OTUD7A: variants seen among roughly 807,000 people sequenced by gnomAD.
The protein encoded by OTUD7A is OTU domain-containing protein 7A.
Under a neutral mutation model 65.7 loss-of-function variants are expected in OTUD7A, and 12 were observed. That is an observed-to-expected ratio of 0.18 (90% CI 0.12 to 0.30). OTUD7A has a LOEUF of 0.30. Among genes scored for constraint, OTUD7A ranks in the 10% least tolerant of loss-of-function variants. The probability of loss-of-function intolerance (pLI) is 1.00; values close to 1 mark genes in which losing one functional copy is unlikely to be tolerated. For synonymous variants in OTUD7A, 641 were observed against 586.3 expected (o/e 1.09, Z -1.35); for missense variants, 1,148 against 1,304.8 (o/e 0.88, Z 1.85).
intron 1 of OTUD7A, among the ~76,000 whole-genome samples, chr15:31,864,937 C>G (rs962471743): frequency 6.6e-6 from 1 of 152,290 alleles, no homozygotes; most frequent in Admixed American, 6.5e-5. Flanking sequence ...ACTTATCAAT[C>G]TAGAACTTAA....
intron 3 of OTUD7A, among the ~76,000 whole-genome samples, chr15:31,585,378 G>C (rs1469592729): frequency 6.6e-6 from 1 of 152,214 alleles, no homozygotes; most frequent in Admixed American, 6.5e-5. Flanking sequence ...GGTTAGCTGC[G>C]AGCAGAAACA....
chr15:31,830,249 C>T (rs1193038860), intron 1 of OTUD7A, among the ~76,000 whole-genome samples: 1 of 152,150 alleles, frequency 6.6e-6, no homozygotes, highest in African/African-American at 2.4e-5. Flanking sequence ...TTCATCAATG[C>T]CAAATCAATA....
intron 1 of OTUD7A, among the ~76,000 whole-genome samples, chr15:31,834,512 A>G (rs1567046697): frequency 6.6e-6 from 1 of 152,228 alleles, no homozygotes; most frequent in Non-Finnish European, 1.5e-5. Context: ...CTTCTCTCCT[A>G]TTCTAGCCAC....
At chr15:31,780,472 C>T (rs761531793) in intron 1 of OTUD7A, among the ~76,000 whole-genome samples, 3 of 152,190 alleles carry the variant, frequency 2.0e-5, no homozygotes, top group Non-Finnish European at 4.4e-5. Context: ...TACTTAGAAG[C>T]GCTGGCAGGA....
At chr15:31,496,465 G>C (rs944148791) in intron 10 of OTUD7A, among the ~76,000 whole-genome samples, 1 of 151,964 alleles carries the variant, frequency 6.6e-6, no homozygotes, top group African/African-American at 2.4e-5. Context: ...CTCGTGATCC[G>C]CCTGCCTCAG....
chr15:31,736,191 G>A (rs1324375244), intron 1 of OTUD7A, among the ~76,000 whole-genome samples: 1 of 152,048 alleles, frequency 6.6e-6, no homozygotes, highest in Non-Finnish European at 1.5e-5. Context: ...ACAAACATGT[G>A]CCCCTGAACT....
chr15:31,709,852 A>G (rs900965719), intron 1 of OTUD7A, among the ~76,000 whole-genome samples: 3 of 152,268 alleles, frequency 2.0e-5, no homozygotes, highest in Middle Eastern at 3.4e-3. Flanking sequence ...CACACACACA[A>G]GTGTGTGTGT....
At chr15:31,816,362 G>A (rs1389110551) in intron 1 of OTUD7A, among the ~76,000 whole-genome samples, 6 of 152,064 alleles carry the variant, frequency 3.9e-5, no homozygotes, top group African/African-American at 9.7e-5. Context: ...CCTTAACAAC[G>A]AATCCCACTA....
chr15:31,554,076 A>C (rs1888412827), intron 5 of OTUD7A, among the ~76,000 whole-genome samples: 1 of 152,046 alleles, frequency 6.6e-6, no homozygotes, highest in South Asian at 2.1e-4. Context: ...AAATATGCCA[A>C]GACTTTGATG....
At chr15:31,682,617 C>T (rs1399329381) in intron 1 of OTUD7A, among the ~76,000 whole-genome samples, 1 of 152,146 alleles carries the variant, frequency 6.6e-6, no homozygotes, top group Non-Finnish European at 1.5e-5. Context: ...ATAGACTTTT[C>T]CAAAAAATGA....
chr15:31,640,260 A>C (rs1891470711), intron 3 of OTUD7A, among the ~76,000 whole-genome samples: 1 of 152,150 alleles, frequency 6.6e-6, no homozygotes, highest in African/African-American at 2.4e-5. Context: ...GACACAATGG[A>C]CTTTGAGGAC....
chr15:31,833,060 C>A (rs1896973944), intron 1 of OTUD7A, among the ~76,000 whole-genome samples: 1 of 152,198 alleles, frequency 6.6e-6, no homozygotes, highest in African/African-American at 2.4e-5. Flanking sequence ...AATTCCTTAC[C>A]AGCACTTATT....
chr15:31,790,602 C>T (rs188971637), intron 1 of OTUD7A, among the ~76,000 whole-genome samples: 46 of 152,306 alleles, frequency 3.0e-4, no homozygotes, highest in African/African-American at 1.0e-3. Context: ...GGGCACAAGT[C>T]CAACCTGGGG....
chr15:31,752,711 T>C (rs543838130), intron 1 of OTUD7A, among the ~76,000 whole-genome samples: 1 of 152,316 alleles, frequency 6.6e-6, no homozygotes, highest in East Asian at 1.9e-4. Context: ...GTAAGCTATT[T>C]AGGTCATGTT....
rs534416809 is a variant in OTUD7A at position 31,784,032 on chromosome 15, G to A, written c.-100+86475C>T. On this transcript the variant is annotated intron_variant, in intron 1 of 12. Coordinates refer to ENST00000307050, the MANE Select transcript of OTUD7A (RefSeq NM_001382637.1). ...TTAATGAATGTGATTTTCTGAGAGTGTGTAATGAAATGTGACAATGCTTAG... is the reference window on the plus strand; with the variant it reads ...TTAATGAATGTGATTTTCTGAGAGTATGTAATGAAATGTGACAATGCTTAG... Among the ~76,000 whole-genome samples the A allele has an allele frequency of 3.9e-5, 6 of 152,290 alleles. No individual in the cohort carries two copies. In the South Asian group the frequency reaches 1.2e-3, roughly 32 times the overall value.
chr15:31,794,617 G>A lies in OTUD7A; in HGVS notation c.-100+75890C>T, dbSNP rs746821188. On this transcript the variant is annotated intron_variant, in intron 1 of 12. Coordinates refer to ENST00000307050, the MANE Select transcript of OTUD7A (RefSeq NM_001382637.1). ...GCTGGCTGGCCTTGTTCTAAAGGCCGGGAATAGAATAGTGAAAAAAAAAAA... is the reference window on the plus strand; with the variant it reads ...GCTGGCTGGCCTTGTTCTAAAGGCCAGGAATAGAATAGTGAAAAAAAAAAA... Among the ~76,000 whole-genome samples, 10 of 139,476 alleles carry A rather than the reference G, an allele frequency of 7.2e-5. No individual in the cohort carries two copies. In the East Asian group the frequency reaches 1.2e-3, roughly 17 times the overall value. 91.5% of individuals were successfully genotyped at this position (139,476 alleles called of 152,430 possible). A position where few individuals can be genotyped will look rare whatever the true frequency, so the allele number is the denominator to read the frequency against.
At chr15:31,503,049 G>C (rs2041495386) in intron 9 of OTUD7A, among the ~76,000 whole-genome samples, 1 of 152,202 alleles carries the variant, frequency 6.6e-6, no homozygotes, top group Admixed American at 6.5e-5. Context: ...CCCTGCCCTT[G>C]GCTGATCCCC....
At chr15:31,762,241 G>C (rs1894984928) in intron 1 of OTUD7A, among the ~76,000 whole-genome samples, 1 of 152,226 alleles carries the variant, frequency 6.6e-6, no homozygotes, top group Admixed American at 6.5e-5. Context: ...ACAGCTTCCA[G>C]GCATGTTCCT....
intron 3 of OTUD7A, among the ~76,000 whole-genome samples, chr15:31,611,479 T>C (rs1258695919): frequency 1.3e-5 from 2 of 152,072 alleles, no homozygotes; most frequent in East Asian, 1.9e-4. Context: ...ATGGGAGATA[T>C]TACAACTGAC....
Sources: allele counts gnomAD v4.1 joint callset (sites outside exome capture counted in the v4.1 genomes callset), GRCh38; gene constraint gnomAD v4.1.1; transcripts MANE v1.5; gene names NCBI Gene and HGNC (gene_info 2026-07-23, HGNC 2026-07-21).